MAN1C1: variants seen among roughly 807,000 people sequenced by gnomAD.
MAN1C1 encodes mannosyl-oligosaccharide 1,2-alpha-mannosidase IC.
A neutral mutation model predicts 71.5 loss-of-function variants in MAN1C1; 49 were observed. The ratio of observed to expected loss-of-function variants is 0.69; its 90% CI spans 0.54 to 0.87. The LOEUF is 0.87. Ranked by LOEUF, MAN1C1 falls within the 40% of genes least tolerant of loss-of-function variation. MAN1C1 has a pLI of 0.00. For synonymous variants in MAN1C1, 352 were observed against 343.7 expected, an observed-to-expected ratio of 1.02 and a Z score of -0.27; for missense variants, 743 against 835.0, an observed-to-expected ratio of 0.89 and a Z score of 1.36.
intron 2 of MAN1C1, among the ~76,000 whole-genome samples, chr1:25,741,459 G>T (rs1345897615): frequency 2.0e-5 from 3 of 152,188 alleles, no homozygotes; most frequent in Non-Finnish European, 4.4e-5. Context: ...ATGGCAGCCT[G>T]AAGGCCAAGA....
At chr1:25,655,989 T>A (rs1171628618) in intron 1 of MAN1C1, among the ~76,000 whole-genome samples, 3 of 151,622 alleles carry the variant, frequency 2.0e-5, no homozygotes, top group Non-Finnish European at 2.9e-5. Flanking sequence ...GGAGTGAGTA[T>A]AGGCCCTGGA....
chr1:25,636,708 T>C (rs1404990246), intron 1 of MAN1C1, among the ~76,000 whole-genome samples: 2 of 152,238 alleles, frequency 1.3e-5, no homozygotes, highest in African/African-American at 4.8e-5. Context: ...ATCCTCAGCC[T>C]ATGAAGATAA....
chr1:25,748,670 TAAGAA>T (rs1450241123), intron 3 of MAN1C1, among the ~76,000 whole-genome samples: 1 of 152,100 alleles, frequency 6.6e-6, no homozygotes, highest in Non-Finnish European at 1.5e-5. Context: ...AATCCCAACT[TAAGAA>T]AGAAAATAGA....
intron 1 of MAN1C1, among the ~76,000 whole-genome samples, chr1:25,643,695 C>T (rs747857342): frequency 2.0e-5 from 3 of 146,724 alleles, no homozygotes; most frequent in African/African-American, 5.1e-5. Context: ...TTAGTAGATA[C>T]GGGGTTTCTC....
chr1:25,648,205 C>G (rs1036880560), intron 1 of MAN1C1, among the ~76,000 whole-genome samples: 2 of 152,254 alleles, frequency 1.3e-5, no homozygotes, highest in African/African-American at 2.4e-5. Context: ...CTGGAAGCAT[C>G]TGCTCATCAG....
intron 1 of MAN1C1, among the ~76,000 whole-genome samples, chr1:25,628,333 G>T (rs964019778): frequency 2.0e-5 from 3 of 151,610 alleles, no homozygotes; most frequent in Non-Finnish European, 4.4e-5. Flanking sequence ...TTGAGAAGGA[G>T]TTTCGCTCTT....
chr1:25,724,587 C>T lies in MAN1C1; in HGVS notation c.638-22081C>T, dbSNP rs58122287. Among the ~76,000 whole-genome samples the T allele has an allele frequency of 7.0e-3, 1,070 of 152,212 alleles. 12 individuals carry two copies. Among genetic ancestry groups the T allele is most frequent in the African/African-American group, 0.024 (991 of 41,528 alleles). On this transcript the variant is annotated intron_variant, in intron 2 of 11. Coordinates refer to ENST00000374332, the MANE Select transcript of MAN1C1 (RefSeq NM_020379.4). ...CTGAAGTTAGCCACACGTGTCTGAG[C>T]CCAGAGGAAGAGAGTGGGGAGAGGC... is the stretch of plus-strand genomic sequence containing the variant.
chr1:25,669,662 C>G (rs988393069), intron 1 of MAN1C1, among the ~76,000 whole-genome samples: 3 of 152,200 alleles, frequency 2.0e-5, no homozygotes, highest in African/African-American at 7.2e-5. Context: ...ACTTGGAAGT[C>G]CCAGCTACTA....
chr1:25,622,346 T>C (rs1403866994), intron 1 of MAN1C1, among the ~76,000 whole-genome samples: 2 of 152,242 alleles, frequency 1.3e-5, no homozygotes, highest in African/African-American at 4.8e-5. Context: ...CCCTTCTCTC[T>C]TCTCTTCCAC....
intron 1 of MAN1C1, among the ~76,000 whole-genome samples, chr1:25,623,862 C>T (rs548887222): frequency 2.0e-5 from 3 of 152,270 alleles, no homozygotes; most frequent in East Asian, 1.9e-4. Flanking sequence ...GAATGATGGA[C>T]GTAGGCTAGT....
At chr1:25,714,007 A>T (rs1368804859) in intron 2 of MAN1C1, among the ~76,000 whole-genome samples, 2 of 152,202 alleles carry the variant, frequency 1.3e-5, no homozygotes, top group African/African-American at 4.8e-5. Flanking sequence ...TAAAAGGGGA[A>T]AAAAATGTTG....
chr1:25,751,528 G>A (rs1318533190), intron 4 of MAN1C1, among the ~76,000 whole-genome samples: 2 of 152,224 alleles, frequency 1.3e-5, no homozygotes, highest in Admixed American at 6.5e-5. Context: ...TTGAAAAACA[G>A]CTCAAAAGAC....
At chr1:25,676,026 G>A (rs914717955) in intron 1 of MAN1C1, among the ~76,000 whole-genome samples, 3 of 152,214 alleles carry the variant, frequency 2.0e-5, no homozygotes, top group Admixed American at 2.0e-4. Flanking sequence ...GAGTGGAACT[G>A]AGGTACTCTG....
intron 1 of MAN1C1, among the ~76,000 whole-genome samples, chr1:25,666,363 G>T (rs1181179984): frequency 6.6e-6 from 1 of 152,130 alleles, no homozygotes; most frequent in Non-Finnish European, 1.5e-5. Context: ...TCCAGCTAAT[G>T]AGCCTCATCT....
chr1:25,699,410 C>T (rs1035374251), intron 2 of MAN1C1, among the ~76,000 whole-genome samples: 1 of 152,014 alleles, frequency 6.6e-6, no homozygotes, highest in Admixed American at 6.6e-5. Flanking sequence ...GACCTCGGCC[C>T]CTTGGGGTCT....
At chr1:25,626,028 A>G (rs2045288400) in intron 1 of MAN1C1, among the ~76,000 whole-genome samples, 1 of 152,138 alleles carries the variant, frequency 6.6e-6, no homozygotes, top group Non-Finnish European at 1.5e-5. Context: ...TGTTCTGGCT[A>G]TTGTGAATAA....
chr1:25,751,355 A>ATCCACCTTTTCTTC (rs2047213736), intron 4 of MAN1C1, among the ~76,000 whole-genome samples: 32 of 151,198 alleles, frequency 2.1e-4, no homozygotes, highest in East Asian at 3.9e-4. Context: ...TTCTCCTTCC[A>ATCCACCTTTTCTTC]TGCATCTTCC....
chr1:25,624,764 G>A (rs1318888166), intron 1 of MAN1C1, among the ~76,000 whole-genome samples: 3 of 152,014 alleles, frequency 2.0e-5, no homozygotes, highest in Non-Finnish European at 4.4e-5. Context: ...TTCCACCTCT[G>A]CCATCTTCTT....
In MAN1C1 at chr1:25,778,696, C is replaced by T. The variant is rs548474645; in HGVS notation, c.1477+372C>T. ...GGCAGAAACGGCGGCTTCCTGAGCC[C>T]GGCACATGTCCCACCCTGAGTCTCC... On this transcript the variant is annotated intron_variant, in intron 9 of 11. Coordinates refer to ENST00000374332, the MANE Select transcript of MAN1C1 (RefSeq NM_020379.4). The surrounding 1 kb of genome is among the most constrained non-coding windows in gnomAD (Gnocchi z 5.5). Among the ~76,000 whole-genome samples, 14 of 152,262 alleles carry T rather than the reference C, an allele frequency of 9.2e-5. No individual in the cohort carries two copies. The East Asian group carries it at 1.3e-3, about 15-fold the overall frequency.
Sources: allele counts gnomAD v4.1 joint callset (sites outside exome capture counted in the v4.1 genomes callset), GRCh38; gene constraint gnomAD v4.1.1; non-coding constraint Gnocchi (gnomAD v3.1); transcripts MANE v1.5; gene names NCBI Gene and HGNC (gene_info 2026-07-23, HGNC 2026-07-21).